The following PLEKHM3 variants were observed in gnomAD, a reference collection of about 807,000 sequenced individuals.
PLEKHM3 encodes pleckstrin homology domain-containing family M member 3.
A neutral mutation model predicts 81.8 loss-of-function variants in PLEKHM3; 45 were observed. The ratio of observed to expected loss-of-function variants is 0.55; its 90% CI spans 0.43 to 0.71. PLEKHM3 has a LOEUF of 0.71. Ranked by LOEUF, PLEKHM3 falls within the 30% of genes least tolerant of loss-of-function variation. The probability of loss-of-function intolerance (pLI) is 0.00; values close to 1 mark genes in which losing one functional copy is unlikely to be tolerated. For synonymous variants in PLEKHM3, 352 were observed against 356.4 expected (o/e 0.99, Z 0.14); for missense variants, 788 against 924.3 (o/e 0.85, Z 1.91).
chr2:207,860,148 CCTCT>C (rs1402502753), intron 7 of PLEKHM3, among the ~76,000 whole-genome samples: 1 of 58,070 alleles, frequency 1.7e-5, no homozygotes, highest in African/African-American at 7.1e-5. Context: ...CTGAACTCTG[CCTCT>C]GTGTGTGTGT....
chr2:207,923,905 ATTTTT>A (rs869041855), intron 5 of PLEKHM3, among the ~76,000 whole-genome samples: 11 of 28,334 alleles, frequency 3.9e-4, no homozygotes, highest in African/African-American at 1.2e-3. Flanking sequence ...ATATATATAT[ATTTTT>A]TTTTTTTTTT....
chr2:207,973,954 C>A (rs1055092980), intron 3 of PLEKHM3, among the ~76,000 whole-genome samples: 3 of 151,980 alleles, frequency 2.0e-5, no homozygotes, highest in African/African-American at 7.3e-5. Flanking sequence ...AAATTAGAAA[C>A]CTGTCTCTCT....
At chr2:207,852,004 T>C (rs1172407250) in intron 7 of PLEKHM3, among the ~76,000 whole-genome samples, 1 of 152,138 alleles carries the variant, frequency 6.6e-6, no homozygotes, top group Non-Finnish European at 1.5e-5. Context: ...AAGGCATATC[T>C]TTCCCCCAAA....
chr2:207,828,175 T>C lies in PLEKHM3; in HGVS notation c.*144A>G, dbSNP rs2092263236. 3.3e-6 allele frequency: 2 copies of C among 611,514 alleles called. No homozygotes were observed. The highest frequency in any genetic ancestry group is 6.4e-5 in the East Asian group (2 of 31,066). 37.9% of individuals were successfully genotyped at this position (611,514 alleles called of 1,614,324 possible). ...TACAGGACGTATAGGTATTTGCGTA[T>C]ATATAAATAAATATATATATCTATA... On this transcript the variant is annotated 3_prime_UTR_variant, in exon 8 of 8. Coordinates refer to ENST00000427836, the MANE Select transcript of PLEKHM3 (RefSeq NM_001080475.3).
rs1170073686 is a variant in PLEKHM3 at position 207,956,718 on chromosome 2, A to ATTTTTTTTTTTT, written c.1547-10218_1547-10207dup. On this transcript the variant is annotated intron_variant, in intron 3 of 7. Transcript: ENST00000427836. ...ATGCCACCACACCTGGCTGATTAAA[A>ATTTTTTTTTTTT]TTTTTTTTTTTTTTTTTTTTTTTTT... is the stretch of plus-strand genomic sequence containing the variant. Among the ~76,000 whole-genome samples the ATTTTTTTTTTTT allele has an allele frequency of 3.9e-4, 27 of 69,146 alleles. 1 individual carries two copies. Among genetic ancestry groups the ATTTTTTTTTTTT allele is most frequent in the East Asian group, 8.3e-4 (2 of 2,398 alleles). 45.4% of individuals were successfully genotyped at this position (69,146 alleles called of 152,430 possible). A position where few individuals can be genotyped will look rare whatever the true frequency, so the allele number is the denominator to read the frequency against.
chr2:207,840,799 G>GTTTTTTTTTTT (rs1221570591), intron 7 of PLEKHM3, among the ~76,000 whole-genome samples: 4 of 109,792 alleles, frequency 3.6e-5, no homozygotes, highest in East Asian at 2.6e-4. Context: ...CACTTTTTAT[G>GTTTTTTTTTTT]TTTTTTTTTT....
chr2:208,005,913 G>A (rs1034439856), intron 1 of PLEKHM3, among the ~76,000 whole-genome samples: 5 of 151,990 alleles, frequency 3.3e-5, no homozygotes, highest in Admixed American at 1.3e-4. Context: ...AGTTCTTGAC[G>A]AACACCCACC....
chr2:207,994,244 C>T (rs530856042), intron 2 of PLEKHM3, among the ~76,000 whole-genome samples: 1 of 152,260 alleles, frequency 6.6e-6, no homozygotes, highest in South Asian at 2.1e-4. Context: ...ACCTGTATTT[C>T]ATATATATGT....
chr2:207,935,407 A>G (rs929777301), intron 4 of PLEKHM3, among the ~76,000 whole-genome samples: 7 of 152,242 alleles, frequency 4.6e-5, no homozygotes, highest in South Asian at 2.1e-4. Context: ...CTCACCAACC[A>G]GAAGAAAGGG....
chr2:207,873,188 T>C (rs2092543799), intron 6 of PLEKHM3, among the ~76,000 whole-genome samples: 1 of 152,168 alleles, frequency 6.6e-6, no homozygotes, highest in Admixed American at 6.5e-5. Flanking sequence ...GCAATTTTTT[T>C]TTAAGTTTAA....
At chr2:207,854,739 T>G (rs547178557) in intron 7 of PLEKHM3, among the ~76,000 whole-genome samples, 2 of 152,216 alleles carry the variant, frequency 1.3e-5, no homozygotes, top group Non-Finnish European at 2.9e-5. Context: ...TTGTACAAGC[T>G]TAGAGAACTG....
chr2:207,871,866 T>C (rs2092536503), intron 6 of PLEKHM3, among the ~76,000 whole-genome samples: 1 of 152,214 alleles, frequency 6.6e-6, no homozygotes, highest in Non-Finnish European at 1.5e-5. Flanking sequence ...AAAATTCTCA[T>C]AGATGGTCAG....
At chr2:207,872,355 C>T (rs1316285896) in intron 6 of PLEKHM3, among the ~76,000 whole-genome samples, 5 of 152,180 alleles carry the variant, frequency 3.3e-5, no homozygotes, top group African/African-American at 9.7e-5. Flanking sequence ...CTGCCTTTGG[C>T]TTATTGAAAA....
At chr2:207,868,533 T>G (rs984896669) in intron 6 of PLEKHM3, 3 of 152,226 alleles carry the variant, frequency 2.0e-5, no homozygotes, top group African/African-American at 4.8e-5. Context: ...ACTTAACCTC[T>G]TTGAGTCTCA....
chr2:207,985,737 A>G (rs1003360786), intron 2 of PLEKHM3, among the ~76,000 whole-genome samples: 2 of 152,034 alleles, frequency 1.3e-5, no homozygotes, highest in South Asian at 4.1e-4. Context: ...CTGTAATCCC[A>G]CCACTTTGGG....
chr2:207,877,566 A>C (rs1266810553), intron 6 of PLEKHM3, among the ~76,000 whole-genome samples: 1 of 152,210 alleles, frequency 6.6e-6, no homozygotes. Flanking sequence ...TTAAGTGAAG[A>C]TAACTCAGCT....
intron 7 of PLEKHM3, among the ~76,000 whole-genome samples, chr2:207,851,989 G>A (rs368050534): frequency 9.9e-5 from 15 of 152,246 alleles, no homozygotes; most frequent in Non-Finnish European, 1.8e-4. Flanking sequence ...CCATTTTACA[G>A]AAGAAAGGCA....
chr2:207,837,866 G>A (rs1386817087), intron 7 of PLEKHM3, among the ~76,000 whole-genome samples: 1 of 141,824 alleles, frequency 7.1e-6, no homozygotes, highest in African/African-American at 2.6e-5. Flanking sequence ...CATATCCCGG[G>A]TTCAAGCGAT....
At chr2:207,968,178 T>A (rs961950742) in intron 3 of PLEKHM3, among the ~76,000 whole-genome samples, 2 of 152,074 alleles carry the variant, frequency 1.3e-5, no homozygotes, top group African/African-American at 4.8e-5. Context: ...TTCTCTAGTA[T>A]TCCTCAATTT....
Sources: gnomAD v4.1 joint callset for allele counts (sites outside exome capture counted in the v4.1 genomes callset) on GRCh38, gnomAD v4.1.1 for gene constraint, MANE v1.5 for transcripts, NCBI Gene and HGNC (gene_info 2026-07-23, HGNC 2026-07-21) for gene names.